The following ASPRV1 variants were observed in gnomAD, a reference collection of about 807,000 sequenced individuals.
The protein encoded by ASPRV1 is aspartic peptidase retroviral like 1, also known as retroviral-like aspartic protease 1.
A neutral mutation model predicts 11.0 loss-of-function variants in ASPRV1; 7 were observed. The ratio of observed to expected loss-of-function variants is 0.64; its 90% CI spans 0.36 to 1.20. ASPRV1 has a LOEUF of 1.20. ASPRV1 is among the 50% of genes most tolerant of loss of function. The pLI, the probability that ASPRV1 is intolerant of heterozygous loss-of-function variation, is 0.02. For synonymous variants in ASPRV1, 136 were observed against 138.4 expected (o/e 0.98, Z 0.12); for missense variants, 299 against 320.0 (o/e 0.93, Z 0.50).
chr2:70,051,956 C>T, the ASPRV1 span, among the ~76,000 whole-genome samples: 1 of 151,970 alleles, frequency 6.6e-6, no homozygotes, highest in Non-Finnish European at 1.5e-5. Flanking sequence ...GTGTGGGTGA[C>T]AGAGCGAGAC....
At chr2:69,965,863 C>A (rs1388447008), upstream of ASPRV1, among the ~76,000 whole-genome samples, 1 of 152,230 alleles carries the variant, frequency 6.6e-6, no homozygotes, top group Non-Finnish European at 1.5e-5. Context: ...ACCCAGTAGG[C>A]CAGTGTCACC....
chr2:70,080,845 G>A, the ASPRV1 span: 1 of 152,092 alleles, frequency 6.6e-6, no homozygotes, highest in Non-Finnish European at 1.5e-5. Context: ...TTGACTTCAG[G>A]CCTTTGCTTC....
chr2:69,937,068 A>G, the ASPRV1 span: 1 of 866,876 alleles, frequency 1.2e-6, no homozygotes, highest in Non-Finnish European at 2.0e-6. Flanking sequence ...CGAAGCCAGG[A>G]GTCACTGGCC....
the ASPRV1 span, among the ~76,000 whole-genome samples, chr2:70,079,293 T>A: frequency 6.6e-6 from 1 of 151,530 alleles, no homozygotes; most frequent in Non-Finnish European, 1.5e-5. Context: ...AGCAACATTG[T>A]GAGACCCTGT....
chr2:70,026,448 A>G, the ASPRV1 span, among the ~76,000 whole-genome samples: 2 of 151,006 alleles, frequency 1.3e-5, no homozygotes, highest in African/African-American at 4.9e-5. Flanking sequence ...ACAACAACCT[A>G]AAAACCTAAA....
chr2:70,046,390 G>C, the ASPRV1 span: 6 of 152,156 alleles, frequency 3.9e-5, no homozygotes, highest in African/African-American at 1.4e-4. Context: ...CCTATGTCTT[G>C]ACTTGTCTCT....
At chr2:69,943,560 A>C in the ASPRV1 span, among the ~76,000 whole-genome samples, 1 of 152,212 alleles carries the variant, frequency 6.6e-6, no homozygotes, top group Non-Finnish European at 1.5e-5. Flanking sequence ...TGTGGATTGC[A>C]CAACTCACTG....
Position 69,960,553 on chromosome 2 carries a change from A to T in ASPRV1, c.*104T>A. The T allele has an allele frequency of 8.1e-7, 1 of 1,235,300 alleles. No homozygotes were observed. The highest frequency in any genetic ancestry group is 1.1e-6 in the Non-Finnish European group (1 of 890,204). 76.5% of individuals were successfully genotyped at this position (1,235,300 alleles called of 1,614,324 possible). ...AGGGGAGAGAAGAGCAAGAGTTGAT[A>T]AGCAGACTGGCCAAGCCCAGTGACC... On this transcript the variant is annotated 3_prime_UTR_variant, in exon 1 of 1. Transcript: ENST00000320256.
the ASPRV1 span, among the ~76,000 whole-genome samples, chr2:69,977,461 C>T: frequency 1.3e-5 from 2 of 152,280 alleles, no homozygotes; most frequent in African/African-American, 2.4e-5. Flanking sequence ...CGAAAGATCA[C>T]GGGGCTGAAA....
At chr2:69,977,055 G>A in the ASPRV1 span, among the ~76,000 whole-genome samples, 1 of 152,102 alleles carries the variant, frequency 6.6e-6, no homozygotes, top group South Asian at 2.1e-4. Context: ...GGCCAGGCAT[G>A]GTGGCGCGCA....
chr2:70,034,359 A>G, the ASPRV1 span, among the ~76,000 whole-genome samples: 1 of 151,718 alleles, frequency 6.6e-6, no homozygotes, highest in South Asian at 2.1e-4. Flanking sequence ...ACCTGAGGTC[A>G]GGAGTTCAAG....
downstream of ASPRV1, among the ~76,000 whole-genome samples, chr2:69,958,930 G>A (rs1160394134): frequency 3.3e-5 from 5 of 152,180 alleles, no homozygotes; most frequent in African/African-American, 1.2e-4. Context: ...CAGGTGCCCT[G>A]GGGCTGATGG....
the ASPRV1 span, among the ~76,000 whole-genome samples, chr2:70,028,025 G>T: frequency 3.2e-4 from 49 of 152,292 alleles, no homozygotes; most frequent in Non-Finnish European, 6.0e-4. Flanking sequence ...CCAGTCCAGG[G>T]TACTGTAATT....
At chr2:69,974,379 T>G in the ASPRV1 span, among the ~76,000 whole-genome samples, 1 of 152,144 alleles carries the variant, frequency 6.6e-6, no homozygotes, top group Non-Finnish European at 1.5e-5. Context: ...TTTTGAAAAT[T>G]TATTATTTTT....
At chr2:69,997,321 C>G in the ASPRV1 span, among the ~76,000 whole-genome samples, 2 of 152,140 alleles carry the variant, frequency 1.3e-5, no homozygotes, top group Non-Finnish European at 2.9e-5. Context: ...CCAACATCTC[C>G]CAGAACCATA....
the ASPRV1 span, among the ~76,000 whole-genome samples, chr2:70,027,006 T>C: frequency 6.6e-6 from 1 of 151,942 alleles, no homozygotes; most frequent in Non-Finnish European, 1.5e-5. Flanking sequence ...ATCCCAGCAC[T>C]TTGGGAGGCT....
the ASPRV1 span, among the ~76,000 whole-genome samples, chr2:70,004,228 C>T: frequency 6.6e-6 from 1 of 152,020 alleles, no homozygotes; most frequent in Admixed American, 6.6e-5. Context: ...AGATGGAGTC[C>T]TTGTTTTTAA....
the ASPRV1 span, among the ~76,000 whole-genome samples, chr2:70,021,548 G>A: frequency 6.6e-6 from 1 of 151,904 alleles, no homozygotes; most frequent in Non-Finnish European, 1.5e-5. Flanking sequence ...TCCATCTCCT[G>A]ACCTCATGAT....
chr2:70,075,703 G>A, the ASPRV1 span, among the ~76,000 whole-genome samples: 5 of 152,120 alleles, frequency 3.3e-5, no homozygotes, highest in South Asian at 2.1e-4. Flanking sequence ...AAAATTAGCC[G>A]GGCTTGGTGT....
Sources: allele counts gnomAD v4.1 joint callset (sites outside exome capture counted in the v4.1 genomes callset), GRCh38; gene constraint gnomAD v4.1.1; transcripts MANE v1.5; gene names NCBI Gene and HGNC (gene_info 2026-07-23, HGNC 2026-07-21).